The following CPLX2 variants were observed in gnomAD, a reference collection of about 807,000 sequenced individuals.
CPLX2 encodes the protein complexin-2.
Under a neutral mutation model 16.3 loss-of-function variants are expected in CPLX2, and 5 were observed. The ratio of observed to expected loss-of-function variants is 0.31; its 90% CI spans 0.16 to 0.64. CPLX2 has a LOEUF of 0.64. Ranked by LOEUF, CPLX2 falls within the 30% of genes least tolerant of loss-of-function variation. The probability of loss-of-function intolerance (pLI) is 0.79; values close to 1 mark genes in which losing one functional copy is unlikely to be tolerated. For synonymous variants in CPLX2, 89 were observed against 73.2 expected (o/e 1.22, Z -1.10); for missense variants, 144 against 181.4 (o/e 0.79, Z 1.18).
rs1192082237 is a variant in CPLX2 at position 175,809,007 on chromosome 5, A to G, written c.-150A>G. ...CCTCCAGGAAGGTGTGGTCCCTGCC[A>G]TGCTATCTGCTCTGCTCAGCGACTG... On this transcript the variant is annotated 5_prime_UTR_variant, in exon 2 of 5. Coordinates refer to the CPLX2 transcript ENST00000359546. The surrounding 1 kb of genome is among the most constrained non-coding windows in gnomAD (Gnocchi z 4.4). 1 of 152,534 alleles carries G rather than the reference A, an allele frequency of 6.6e-6. No homozygotes were observed. The highest frequency in any genetic ancestry group is 6.5e-5 in the Admixed American group (1 of 15,284). The allele number at this position is 152,534 out of a possible 1,614,324, so 9.4% of individuals were successfully genotyped here.
chr5:175,873,783 C>T (rs1352455995), intron 1 of CPLX2, among the ~76,000 whole-genome samples: 1 of 152,228 alleles, frequency 6.6e-6, no homozygotes, highest in Non-Finnish European at 1.5e-5. Context: ...TCAATGCTCA[C>T]TACAAGCCTT....
chr5:175,870,510 T>C (rs1759567049), upstream of CPLX2, among the ~76,000 whole-genome samples: 1 of 152,178 alleles, frequency 6.6e-6, no homozygotes, highest in South Asian at 2.1e-4. Context: ...ACAGGCCTTG[T>C]GCAAGGCCCC....
At chr5:175,865,497 G>A (rs1032223799) in intron 2 of CPLX2, among the ~76,000 whole-genome samples, 7 of 152,210 alleles carry the variant, frequency 4.6e-5, no homozygotes, top group Admixed American at 3.3e-4. Context: ...AGGAAGGCTG[G>A]AAACTAAAAA....
intron 2 of CPLX2, among the ~76,000 whole-genome samples, chr5:175,859,669 G>T (rs1245188866): frequency 6.6e-6 from 1 of 152,258 alleles, no homozygotes; most frequent in African/African-American, 2.4e-5. Flanking sequence ...GTGGAGATAT[G>T]AACTGTGGAT....
chr5:175,873,063 G>A (rs1255646039), intron 1 of CPLX2: 1 of 85,358 alleles, frequency 1.2e-5, no homozygotes, highest in Non-Finnish European at 2.3e-5. Flanking sequence ...CGCCGCCCCC[G>A]GCCTCCCCTC....
upstream of CPLX2, chr5:175,871,431 G>GAGAGAGAGAGAGAGAGAA (rs1561790313): frequency 1.1e-4 from 9 of 79,708 alleles, no homozygotes; most frequent in African/African-American, 3.9e-4. Flanking sequence ...GAGAGAGAGA[G>GAGAGAGAGAGAGAGAGAA]ACAGAGAGAG....
intron 2 of CPLX2, among the ~76,000 whole-genome samples, chr5:175,825,159 G>C (rs1393972666): frequency 6.6e-6 from 1 of 152,108 alleles, no homozygotes; most frequent in Non-Finnish European, 1.5e-5. Flanking sequence ...CACTTTGGGA[G>C]GCCAAGACAG....
intron 2 of CPLX2, among the ~76,000 whole-genome samples, chr5:175,825,848 A>T (rs1758602698): frequency 6.9e-6 from 1 of 145,370 alleles, no homozygotes; most frequent in South Asian, 2.2e-4. Context: ...ACCCTGCTGG[A>T]CTTGCCACAG....
At chr5:175,800,005 T>C (rs1758063898) in intron 1 of CPLX2, among the ~76,000 whole-genome samples, 1 of 152,152 alleles carries the variant, frequency 6.6e-6, no homozygotes, top group Non-Finnish European at 1.5e-5. Flanking sequence ...ACCAGATGCA[T>C]ATGAGGCCTT....
intron 3 of CPLX2, 157 bp from the exon 4 acceptor site, chr5:175,879,691 C>T: frequency 2.7e-6 from 2 of 741,496 alleles, no homozygotes; most frequent in South Asian, 3.0e-5. Context: ...AGGCACCATC[C>T]TACAGGGAAG....
intron 1 of CPLX2, among the ~76,000 whole-genome samples, chr5:175,805,122 A>C (rs1365917884): frequency 6.6e-6 from 1 of 152,228 alleles, no homozygotes; most frequent in Non-Finnish European, 1.5e-5. Context: ...TGGGTCAATG[A>C]ATTTCAATAG....
rs184671057 is a variant in CPLX2 at position 175,833,740 on chromosome 5, T to C, written c.-89+24672T>C. 9.5e-4 allele frequency among the ~76,000 whole-genome samples: 144 copies of C among 152,214 alleles called. 1 individual carries two copies. Among genetic ancestry groups the C allele is most frequent in the African/African-American group, 3.3e-3 (138 of 41,508 alleles). On this transcript the variant is annotated intron_variant, in intron 2 of 4. Transcript: ENST00000359546. ...CTGGAGAGGGATTCCACAGCCAAAA[T>C]CAGTCAGTCCCCAGACGGAGGGGAC...
chr5:175,877,835 A>C (rs1167901607), intron 1 of CPLX2, among the ~76,000 whole-genome samples: 1 of 152,198 alleles, frequency 6.6e-6, no homozygotes, highest in Non-Finnish European at 1.5e-5. Flanking sequence ...TGAGGCAAAA[A>C]CATAATAAAA....
chr5:175,868,943 C>T (rs543294523), upstream of CPLX2, among the ~76,000 whole-genome samples: 5 of 152,218 alleles, frequency 3.3e-5, no homozygotes, highest in South Asian at 2.1e-4. Flanking sequence ...AACATAAGTG[C>T]TTGTGTAAAT....
In CPLX2 at chr5:175,845,717, A is replaced by G. The variant is rs1314898742; in HGVS notation, c.-88-32935A>G. 6.6e-6 allele frequency among the ~76,000 whole-genome samples: 1 copy of G among 152,150 alleles called. No individual in the cohort carries two copies. The highest frequency in any genetic ancestry group is 2.4e-5 in the African/African-American group (1 of 41,430). On this transcript the variant is annotated intron_variant, in intron 2 of 4. Coordinates refer to the CPLX2 transcript ENST00000359546. The surrounding 1 kb of genome is among the most constrained non-coding windows in gnomAD (Gnocchi z 4.0). ...GGCACACTGCCTGGCACAGAGAAAG[A>G]GCCCGAGGGATATTTGTGGGATAAA... is the stretch of plus-strand genomic sequence containing the variant.
At chr5:175,799,539 C>CATATATATATTTTT (rs1227041477) in intron 1 of CPLX2, among the ~76,000 whole-genome samples, 2 of 72,276 alleles carry the variant, frequency 2.8e-5, no homozygotes, top group African/African-American at 5.6e-5. Context: ...TTGCAAATTT[C>CATATATATATTTTT]ATATATATAT....
At chr5:175,806,808 A>G (rs1758214335) in intron 1 of CPLX2, among the ~76,000 whole-genome samples, 1 of 151,948 alleles carries the variant, frequency 6.6e-6, no homozygotes. Context: ...TCAGCTATGA[A>G]GTTTTTATGT....
rs1759636469 is a variant in CPLX2 at position 175,872,026 on chromosome 5, C to A, written c.-89+321C>A. 6.6e-6 allele frequency: 1 copy of A among 152,296 alleles called. No individual in the cohort carries two copies. Among genetic ancestry groups the A allele is most frequent in the South Asian group, 2.1e-4 (1 of 4,842 alleles). The allele number at this position is 152,296 out of a possible 1,614,324, so 9.4% of individuals were successfully genotyped here. On this transcript the variant is annotated intron_variant, in intron 1 of 3. Coordinates refer to ENST00000393745, the MANE Select transcript of CPLX2 (RefSeq NM_001008220.2). This position sits in a 1 kb window ranked among gnomAD's most constrained non-coding sequence, Gnocchi z 5.0. Reference sequence around the variant, plus strand: ...AACGGCCGGGGTCCCGGAGCCAGGACCGCCCCGGCTGCGGCGGAGACTCAA... The same window carrying A: ...AACGGCCGGGGTCCCGGAGCCAGGAACGCCCCGGCTGCGGCGGAGACTCAA...
chr5:175,855,893 CG>C (rs1355327924), intron 2 of CPLX2, among the ~76,000 whole-genome samples: 5 of 152,006 alleles, frequency 3.3e-5, no homozygotes, highest in African/African-American at 1.2e-4. Context: ...AGGTGCTATA[CG>C]GAAGAAAGGC....
Sources: allele counts gnomAD v4.1 joint callset (sites outside exome capture counted in the v4.1 genomes callset), GRCh38; gene constraint gnomAD v4.1.1; non-coding constraint Gnocchi (gnomAD v3.1); transcripts MANE v1.5; gene names NCBI Gene and HGNC (gene_info 2026-07-23, HGNC 2026-07-21).